Variants in ARSD observed in about 807,000 individuals in gnomAD.
ARSD encodes the protein arylsulfatase D.
In ARSD, 21 loss-of-function variants were observed where a neutral mutation model predicts 32.6. That is an observed-to-expected ratio of 0.64 (90% CI 0.46 to 0.93). The LOEUF is 0.93. Among genes scored for constraint, ARSD ranks in the 40% least tolerant of loss-of-function variants. ARSD has a pLI of 0.00. For synonymous variants in ARSD, 224 were observed against 237.4 expected (o/e 0.94, Z 0.52); for missense variants, 454 against 520.9 (o/e 0.87, Z 1.25).
intron 6 of ARSD, 94 bp downstream of exon 6, chrX:2,915,462 C>T: frequency 8.8e-7 from 1 of 1,136,245 alleles, no homozygotes; most frequent in Non-Finnish European, 1.2e-6. Flanking sequence ...TTCTTTATTG[C>T]AAGTTGGTTC....
rs547838847 is a variant in ARSD, at chrX:2,906,739, C to G, written c.*532G>C. 8.9e-6 allele frequency: 1 copy of G among 112,388 alleles called. No individual in the cohort carries two copies. Among genetic ancestry groups the G allele is most frequent in the Non-Finnish European group, 1.9e-5 (1 of 53,689 alleles). The allele number at this position is 112,388 out of a possible 1,213,427, so 9.3% of individuals were successfully genotyped here. On this transcript the variant is annotated 3_prime_UTR_variant, in exon 10 of 10. Transcript: ENST00000381154. The stretch of plus-strand genomic sequence containing the variant: ...AAAACATCGGGCATTGGCACAATGA[C>G]GAACCCTGAGATTTAGAAGAGGAAG...
At position 2,904,885 on chromosome X, in the gene ARSD, C is replaced by T. The variant is rs914665490; in HGVS notation, c.*2386G>A. On this transcript the variant is annotated 3_prime_UTR_variant, in exon 10 of 10. Transcript: ENST00000381154. ...TTAGCTGCCTCCACTCCCCGTGTCC[C>T]ATGCTCCATAGATGTTTCTTTTTTT... The T allele has an allele frequency of 4.1e-5, 10 of 246,386 alleles. No homozygotes were observed. Among genetic ancestry groups the T allele is most frequent in the Non-Finnish European group, 7.5e-5 (10 of 132,986 alleles). The allele number at this position is 246,386 out of a possible 1,213,427, so 20.3% of individuals were successfully genotyped here. A position where few individuals can be genotyped will look rare whatever the true frequency, so the allele number is the denominator to read the frequency against.
Position 2,917,984 on chromosome X carries a change from C to G in ARSD, c.683G>C (p.Arg228Thr). 1 of 1,210,371 alleles carries G rather than the reference C, an allele frequency of 8.3e-7. No homozygotes were observed. The highest frequency in any genetic ancestry group is 1.1e-6 in the Non-Finnish European group (1 of 894,680). ...CACGCCGGCCATGCCGGTGACTGCT[C>G]TCGCGGAGACAGAGAAGAAACCGCA... ...QTCGFFSVSA[R>T]AVTGMAGVGC... Residue 228 changes from arginine (R) to threonine (T), a missense_variant, in exon 5 of 10, where the codon AGA (arginine) becomes ACA (threonine). Transcript: ENST00000381154.
intron 6 of ARSD, among the ~76,000 whole-genome samples, chrX:2,911,602 G>A (rs1186722371): frequency 3.9e-5 from 4 of 103,538 alleles, no homozygotes; most frequent in Non-Finnish European, 5.9e-5. Flanking sequence ...CCCAGGAGGC[G>A]GAGCTTGCAG....
At position 2,925,686 on chromosome X, in the gene ARSD, T is replaced by G; in HGVS notation, c.124A>C (p.Asn42His). The change falls in exon 2 of 10, where the codon AAT (asparagine) becomes CAT (histidine). Residue 42 changes from asparagine (N) to histidine (H), a missense_variant. Asn to His is a moderately conservative substitution (Grantham distance 68). Transcript: ENST00000381154. ...EPKTANAFKP[N>H]ILLIMADDLG... ...TCATCCGCCATGATCAGTAGGATAT[T>G]TGGTTTAAAGGCATTTGCAGTTTTA... 8.3e-7 allele frequency: 1 copy of G among 1,210,144 alleles called. No homozygotes were observed. The highest frequency in any genetic ancestry group is 1.1e-6 in the Non-Finnish European group (1 of 894,694).
intron 8 of ARSD, 128 bp downstream of exon 8, chrX:2,909,683 CAAAAAA>C: frequency 3.8e-4 from 109 of 285,555 alleles, no homozygotes; most frequent in East Asian, 7.7e-4. Context: ...GACTCTGTCT[CAAAAAA>C]AAAAAAAAAA....
rs2302076 is a variant in ARSD, at chrX:2,925,633, G to A, written c.177C>T (p.Tyr59=). The change falls in exon 2 of 10, where the codon TAC becomes TAT. Residue 59 remains tyrosine, a synonymous_variant. Transcript: ENST00000381154. ...AACTGTACCTCAGTGTATTGTTCCC[G>A]TAGCAACCGAGATCCCCAGTGCCTA... ...DDLGTGDLGC[Y]GNNTLRTPNI... The A allele has an allele frequency of 3.0e-5, 36 of 1,208,007 alleles. No individual in the cohort carries two copies. The East Asian group carries it at 5.0e-4, about 17-fold the overall frequency.
chrX:2,918,267 A>G (rs766696799), intron 4 of ARSD, 40 bp from the exon 5 acceptor site: 18 of 1,095,822 alleles, frequency 1.6e-5, no homozygotes, highest in Non-Finnish European at 2.2e-5. Flanking sequence ...CCCGCTTTGA[A>G]GCAGCCCTGT....
chrX:2,920,539 G>C, intron 4 of ARSD, 62 bp downstream of exon 4: 1 of 1,205,184 alleles, frequency 8.3e-7, no homozygotes, highest in Non-Finnish European at 1.1e-6. Context: ...CCTGGCCTGG[G>C]ATCTTTTTTA....
rs1334213072 is a variant in ARSD, at chrX:2,905,384, T to G, written c.*1887A>C. The G allele has an allele frequency of 6.4e-6, 1 of 155,756 alleles. No individual in the cohort carries two copies. Among genetic ancestry groups the G allele is most frequent in the Non-Finnish European group, 1.2e-5 (1 of 82,180 alleles). The allele number at this position is 155,756 out of a possible 1,213,427, so 12.8% of individuals were successfully genotyped here. ...TGCAAGGTCCTCCCATCCCCAGTAT[T>G]GGGATCTAGGGGCAGGGGGTCCCAG... On this transcript the variant is annotated 3_prime_UTR_variant, in exon 10 of 10. Coordinates refer to ENST00000381154, the MANE Select transcript of ARSD (RefSeq NM_001669.4).
At chrX:2,919,404 C>T (rs1469728663) in intron 4 of ARSD, among the ~76,000 whole-genome samples, 1 of 106,316 alleles carries the variant, frequency 9.4e-6, no homozygotes, top group Non-Finnish European at 1.9e-5. Context: ...ACGGGGACAG[C>T]ACCTCTAAAC....
intron 1 of ARSD, 85 bp from the exon 2 acceptor site, chrX:2,925,850 G>C: frequency 1.0e-6 from 1 of 965,146 alleles, no homozygotes; most frequent in Non-Finnish European, 1.4e-6. Context: ...CTGGGAAGGC[G>C]AAGGTCTTAC....
At position 2,909,857 on chromosome X, in the gene ARSD, T is replaced by C; in HGVS notation, c.1258A>G (p.Thr420Ala). 2 of 1,209,675 alleles carry C rather than the reference T, an allele frequency of 1.7e-6. No individual in the cohort carries two copies. The highest frequency in any genetic ancestry group is 1.1e-6 in the Non-Finnish European group (1 of 894,869). The change falls in exon 8 of 10, where the codon ACT becomes GCT. Residue 420 changes from threonine to alanine, a missense_variant. This residue lies in a region of ARSD where 179 missense variants were observed against 198.5 expected (regional missense o/e 0.90). Transcript: ENST00000381154. ...TCGCCACCCACCAGCTGGACCACAG[T>C]AGGGAACACGTCCATCAGGCTCGTG... Reference protein sequence around the residue: ...EPTSLMDVFPTVVQLVGGEVP... With the variant: ...EPTSLMDVFPAVVQLVGGEVP...
chrX:2,908,955 G>A, intron 8 of ARSD, 113 bp from the exon 9 acceptor site: 7 of 1,082,122 alleles, frequency 6.5e-6, no homozygotes, highest in South Asian at 4.1e-5. Context: ...ATGGAGCAGA[G>A]ATGAGCTGTC....
chrX:2,915,050 T>A (rs2088942724), intron 6 of ARSD, among the ~76,000 whole-genome samples: 1 of 111,739 alleles, frequency 8.9e-6, no homozygotes, highest in African/African-American at 3.3e-5. Flanking sequence ...AAGCATTTAT[T>A]TTTGTAGAGA....
Position 2,924,455 on chromosome X carries a change from G to A in ARSD, c.194+1161C>T, listed in dbSNP as rs370070821. Among the ~76,000 whole-genome samples, 9 of 113,656 alleles carry A rather than the reference G, an allele frequency of 7.9e-5. No homozygotes were observed. The East Asian group carries it at 2.5e-3, about 32-fold the overall frequency. On this transcript the variant is annotated intron_variant, in intron 2 of 9. Coordinates refer to ENST00000381154, the MANE Select transcript of ARSD (RefSeq NM_001669.4). ...AAGCAGATGCAGCCTGCATTCTGGG[G>A]CGGTCCTTCTAGGAGAAAAGCCCAC... is the stretch of plus-strand genomic sequence containing the variant.
chrX:2,905,361 C>T lies in ARSD; in HGVS notation c.*1910G>A, dbSNP rs11538097. On this transcript the variant is annotated 3_prime_UTR_variant, in exon 10 of 10. Coordinates refer to ENST00000381154, the MANE Select transcript of ARSD (RefSeq NM_001669.4). ...GATAGATGGACTGAGGGGAATAGTG[C>T]AAGGTCCTCCCATCCCCAGTATTGG... The T allele has an allele frequency of 0.093, 16,520 of 177,066 alleles. 712 individuals carry two copies. The highest frequency in any genetic ancestry group is 0.14 in the Middle Eastern group (65 of 450). 14.6% of individuals were successfully genotyped at this position (177,066 alleles called of 1,213,427 possible).
Position 2,928,801 on chromosome X carries a change from C to T in ARSD, c.44+431G>A, listed in dbSNP as rs185540856. Among the ~76,000 whole-genome samples, 1,065 of 107,601 alleles carry T rather than the reference C, an allele frequency of 9.9e-3. 7 individuals carry two copies. Among genetic ancestry groups the T allele is most frequent in the Non-Finnish European group, 0.014 (744 of 51,680 alleles). 93.4% of individuals were successfully genotyped at this position (107,601 alleles called of 115,157 possible). ...GCAGAGCGGGGGGCGCGGTTCGGGG[C>T]GGGTCTTAGGGAGCCTTTGAAGGCC... On this transcript the variant is annotated intron_variant, in intron 1 of 9. Coordinates refer to ENST00000381154, the MANE Select transcript of ARSD (RefSeq NM_001669.4).
intron 1 of ARSD, 116 bp downstream of exon 1, chrX:2,929,116 C>G (rs3747395): frequency 0.46 from 334,103 of 725,920 alleles, 57,671 homozygotes; most frequent in East Asian, 0.78. Flanking sequence ...CGGACACAAC[C>G]ACGCCCTTTA....
Sources: allele counts gnomAD v4.1 joint callset (sites outside exome capture counted in the v4.1 genomes callset), GRCh38; gene constraint gnomAD v4.1.1; regional missense constraint gnomAD v4.1.1; transcripts MANE v1.5; gene names NCBI Gene and HGNC (gene_info 2026-07-23, HGNC 2026-07-21).